Variants in ERC1 observed in about 807,000 individuals in gnomAD.
The protein encoded by ERC1 is RAB6 interacting protein 2.
ERC1 carries 56 observed loss-of-function variants against 132.0 expected under a neutral mutation model. The ratio of observed to expected loss-of-function variants is 0.42; its 90% confidence interval spans 0.34 to 0.53. The LOEUF (loss-of-function observed/expected upper bound fraction) is 0.53, where lower values mean the gene tolerates loss of function less well. ERC1 is among the 20% of genes least tolerant of loss of function. The probability of loss-of-function intolerance (pLI) is 0.03; values close to 1 mark genes in which losing one functional copy is unlikely to be tolerated. For missense variants in ERC1, 1,202 were observed against 1,349.9 expected, an observed-to-expected ratio of 0.89 and a Z score of 1.72; for synonymous variants, 478 against 476.1, an observed-to-expected ratio of 1.00 and a Z score of -0.05.
At chr12:1,122,167 G>C (rs61724246) in intron 7 of ERC1, among the ~76,000 whole-genome samples, 76 of 70,178 alleles carry the variant, frequency 1.1e-3, no homozygotes, top group Non-Finnish European at 1.4e-3. Flanking sequence ...ATCTCTATCT[G>C]TGTCTCTATC....
chr12:1,410,158 G>A (rs1160781367), intron 17 of ERC1, among the ~76,000 whole-genome samples: 1 of 151,960 alleles, frequency 6.6e-6, no homozygotes, highest in East Asian at 1.9e-4. Context: ...GTATGTATAT[G>A]TATATATTTC....
At chr12:1,348,083 T>C (rs1330328885) in intron 15 of ERC1, among the ~76,000 whole-genome samples, 2 of 152,212 alleles carry the variant, frequency 1.3e-5, no homozygotes, top group East Asian at 3.9e-4. Context: ...ATGTGTTGTC[T>C]GCAGTGTTTA....
chr12:1,190,229 G>A, intron 12 of ERC1, 177 bp downstream of exon 12: 2 of 745,424 alleles, frequency 2.7e-6, no homozygotes, highest in Admixed American at 3.4e-5. Context: ...TGAGGTGTCT[G>A]AAAGGCAACA....
Position 1,349,781 on chromosome 12 carries a change from C to T in ERC1, c.2781-22052C>T, listed in dbSNP as rs916113402. Reference sequence around the variant, plus strand: ...AAAGGATAGCTTGATTATACTTAGACCTTAAAAAACTTTTAGGAGTTCATC... The same window carrying T: ...AAAGGATAGCTTGATTATACTTAGATCTTAAAAAACTTTTAGGAGTTCATC... On this transcript the variant is annotated intron_variant, in intron 15 of 18. Coordinates refer to ENST00000360905, the MANE Select transcript of ERC1 (RefSeq NM_178040.4). Among the ~76,000 whole-genome samples, 3 of 152,102 alleles carry T rather than the reference C, an allele frequency of 2.0e-5. No homozygotes were observed. The East Asian group carries it at 5.8e-4, about 29-fold the overall frequency.
At chr12:1,001,767 A>T (rs1312875645) in intron 1 of ERC1, among the ~76,000 whole-genome samples, 2 of 151,634 alleles carry the variant, frequency 1.3e-5, no homozygotes, top group African/African-American at 2.4e-5. Flanking sequence ...AATATACTAC[A>T]GTTTATTGTA....
chr12:1,441,381 A>G (rs1401412151), intron 17 of ERC1, among the ~76,000 whole-genome samples: 1 of 152,172 alleles, frequency 6.6e-6, no homozygotes, highest in East Asian at 1.9e-4. Context: ...GTTTATTAAG[A>G]ATAAGGATCT....
intron 4 of ERC1, among the ~76,000 whole-genome samples, chr12:1,105,396 C>T (rs970912219): frequency 2.6e-5 from 4 of 151,934 alleles, no homozygotes; most frequent in Non-Finnish European, 2.9e-5. Flanking sequence ...CTCGCTCTGT[C>T]GCCTAGGCTG....
chr12:1,458,705 A>C (rs982645802), intron 18 of ERC1, among the ~76,000 whole-genome samples: 3 of 151,988 alleles, frequency 2.0e-5, no homozygotes, highest in Admixed American at 1.3e-4. Flanking sequence ...TGCCCGGCTA[A>C]TTTTGTATTT....
intron 18 of ERC1, among the ~76,000 whole-genome samples, chr12:1,458,323 A>T (rs1249058336): frequency 6.6e-6 from 1 of 152,238 alleles, no homozygotes; most frequent in Admixed American, 6.5e-5. Context: ...TGGAGCTAAT[A>T]TATTGAGGAT....
chr12:1,034,851 T>A (rs980800255), intron 2 of ERC1, among the ~76,000 whole-genome samples: 3 of 152,230 alleles, frequency 2.0e-5, no homozygotes, highest in Admixed American at 6.5e-5. Flanking sequence ...AATATTTGAA[T>A]CTTCTGAATA....
At chr12:1,179,925 TAGATA>T (rs1259452505) in intron 8 of ERC1, among the ~76,000 whole-genome samples, 1 of 152,238 alleles carries the variant, frequency 6.6e-6, no homozygotes, top group Non-Finnish European at 1.5e-5. Context: ...GTTTGCTGCT[TAGATA>T]AAAGATGATA....
intron 17 of ERC1, among the ~76,000 whole-genome samples, chr12:1,441,388 A>C (rs1481382585): frequency 6.6e-6 from 1 of 152,300 alleles, no homozygotes; most frequent in Admixed American, 6.5e-5. Context: ...AAGAATAAGG[A>C]TCTAAAAAGT....
rs1267337203 is a variant in ERC1 at position 1,491,194 on chromosome 12, C to G, written c.*964C>G. On this transcript the variant is annotated 3_prime_UTR_variant, in exon 19 of 19. Coordinates refer to ENST00000360905, the MANE Select transcript of ERC1 (RefSeq NM_178040.4). ...TCTTGGGCTGGTTTCCCCTGAACAC[C>G]TCCAAGAGGCTGCCTGCCTTGCCAG... 1 of 231,680 alleles carries G rather than the reference C, an allele frequency of 4.3e-6. No homozygotes were observed. The highest frequency in any genetic ancestry group is 8.5e-6 in the Non-Finnish European group (1 of 117,172). The allele number at this position is 231,680 out of a possible 1,614,324, so 14.4% of individuals were successfully genotyped here. A position where few individuals can be genotyped will look rare whatever the true frequency, so the allele number is the denominator to read the frequency against.
chr12:1,299,102 T>C (rs553410109), intron 15 of ERC1, among the ~76,000 whole-genome samples: 83 of 152,296 alleles, frequency 5.4e-4, no homozygotes, highest in African/African-American at 1.9e-3. Context: ...CCTCTATTCC[T>C]TAGAAACTGA....
At chr12:1,331,974 A>G (rs1311678188) in intron 15 of ERC1, among the ~76,000 whole-genome samples, 2 of 152,174 alleles carry the variant, frequency 1.3e-5, no homozygotes, top group Non-Finnish European at 2.9e-5. Flanking sequence ...GGATTTCAGG[A>G]TATATTTATG....
intron 12 of ERC1, among the ~76,000 whole-genome samples, chr12:1,203,335 G>A (rs182270083): frequency 4.6e-5 from 7 of 152,328 alleles, no homozygotes; most frequent in Non-Finnish European, 8.8e-5. Context: ...TGGGATTACA[G>A]GCGTGAGCCA....
chr12:1,223,421 T>C (rs2074321909), intron 12 of ERC1, among the ~76,000 whole-genome samples: 1 of 152,212 alleles, frequency 6.6e-6, no homozygotes, highest in Non-Finnish European at 1.5e-5. Flanking sequence ...TGTATTCATA[T>C]CCCCTGGGAA....
chr12:1,164,487 G>A (rs889090766), intron 8 of ERC1, among the ~76,000 whole-genome samples: 41 of 149,824 alleles, frequency 2.7e-4, no homozygotes, highest in African/African-American at 9.1e-4. Context: ...GACTACAGGC[G>A]CCCGCCACCG....
At chr12:1,412,514 T>C (rs1216769279) in intron 17 of ERC1, among the ~76,000 whole-genome samples, 2 of 152,186 alleles carry the variant, frequency 1.3e-5, no homozygotes, top group African/African-American at 2.4e-5. Flanking sequence ...ACCACCACCA[T>C]GTACTAGCTT....
Sources: gnomAD v4.1 joint callset for allele counts (sites outside exome capture counted in the v4.1 genomes callset) on GRCh38, gnomAD v4.1.1 for gene constraint, MANE v1.5 for transcripts, NCBI Gene and HGNC (gene_info 2026-07-23, HGNC 2026-07-21) for gene names.